CNTN5: variants seen among roughly 807,000 people sequenced by gnomAD.
CNTN5 encodes the protein contactin 5, also known as contactin-5.
CNTN5 carries 77 observed loss-of-function variants against 129.1 expected under a neutral mutation model. The ratio of observed to expected loss-of-function variants is 0.60; its 90% confidence interval spans 0.50 to 0.72. CNTN5 has a LOEUF of 0.72. Among genes scored for constraint, CNTN5 ranks in the 30% least tolerant of loss-of-function variants. The pLI is 0.00. For missense variants in CNTN5, 1,478 were observed against 1,328.8 expected, an observed-to-expected ratio of 1.11 and a Z score of -1.75; for synonymous variants, 509 against 465.6, an observed-to-expected ratio of 1.09 and a Z score of -1.20.
chr11:99,411,637 A>G (rs1254163234), intron 2 of CNTN5, among the ~76,000 whole-genome samples: 2 of 152,228 alleles, frequency 1.3e-5, no homozygotes, highest in Non-Finnish European at 2.9e-5. Flanking sequence ...ACTTCCACCC[A>G]GGAGACTCTT....
rs1211478886 is a variant in CNTN5, at chr11:99,556,277, T to A, written c.55+8T>A. 1.3e-6 allele frequency: 2 copies of A among 1,499,766 alleles called. No homozygotes were observed. The highest frequency in any genetic ancestry group is 1.8e-6 in the Non-Finnish European group (2 of 1,110,968). 92.9% of individuals were successfully genotyped at this position (1,499,766 alleles called of 1,614,324 possible). On this transcript the variant is annotated splice_region_variant and intron_variant, in intron 3 of 24. Transcript: ENST00000524871. ...TCACCATGTGTCTTTCAGGTAAAAG[T>A]CCTGATTAATTAATTATTTGATTTT... is the stretch of plus-strand genomic sequence containing the variant.
At chr11:100,038,621 C>A (rs1251477076) in intron 9 of CNTN5, among the ~76,000 whole-genome samples, 2 of 152,210 alleles carry the variant, frequency 1.3e-5, no homozygotes, top group Non-Finnish European at 2.9e-5. Flanking sequence ...TTGTAGGTCA[C>A]TAAGGACTTG....
intron 3 of CNTN5, among the ~76,000 whole-genome samples, chr11:99,598,100 A>G (rs1950179255): frequency 6.6e-6 from 1 of 152,064 alleles, no homozygotes. Flanking sequence ...GGAATATGAT[A>G]CCAGTTTCCT....
intron 3 of CNTN5, among the ~76,000 whole-genome samples, chr11:99,734,877 A>G (rs558641618): frequency 7.9e-5 from 12 of 152,276 alleles, no homozygotes; most frequent in Non-Finnish European, 1.0e-4. Context: ...GTGCAGTGGC[A>G]GGCGCCTGTA....
chr11:99,725,926 T>C (rs1943321602), intron 3 of CNTN5, among the ~76,000 whole-genome samples: 2 of 152,202 alleles, frequency 1.3e-5, no homozygotes, highest in South Asian at 2.1e-4. Context: ...TCTCCATTAG[T>C]CTTTTTAAAG....
At chr11:99,551,053 A>T (rs1360788673) in intron 2 of CNTN5, among the ~76,000 whole-genome samples, 1 of 152,140 alleles carries the variant, frequency 6.6e-6, no homozygotes, top group African/African-American at 2.4e-5. Context: ...AGCCTCCAAG[A>T]ATCCTGCCAT....
intron 2 of CNTN5, among the ~76,000 whole-genome samples, chr11:99,537,553 T>C (rs1362619961): frequency 2.0e-5 from 3 of 152,142 alleles, no homozygotes; most frequent in Non-Finnish European, 2.9e-5. Context: ...CCTTCTTCGC[T>C]TCTCTTATTT....
intron 2 of CNTN5, among the ~76,000 whole-genome samples, chr11:99,530,549 T>C (rs10790774): frequency 0.26 from 38,924 of 152,048 alleles, 5,367 homozygotes; most frequent in Non-Finnish European, 0.31. Flanking sequence ...AAGTGAGCAT[T>C]AAAGGAATAA....
At chr11:99,352,438 T>A (rs1367267951) in intron 2 of CNTN5, among the ~76,000 whole-genome samples, 1 of 152,204 alleles carries the variant, frequency 6.6e-6, no homozygotes, top group Non-Finnish European at 1.5e-5. Context: ...CTCTTATAAT[T>A]TACATAATAG....
chr11:99,302,809 A>G (rs1864703793), intron 1 of CNTN5, among the ~76,000 whole-genome samples: 1 of 151,890 alleles, frequency 6.6e-6, no homozygotes, highest in South Asian at 2.1e-4. Flanking sequence ...ATACTTGAGA[A>G]TTCTATCAAA....
intron 2 of CNTN5, among the ~76,000 whole-genome samples, chr11:99,527,148 G>A (rs1947517666): frequency 6.6e-6 from 1 of 152,190 alleles, no homozygotes; most frequent in Non-Finnish European, 1.5e-5. Flanking sequence ...TTGCTTTTGG[G>A]CTAAATGCCT....
At position 99,193,084 on chromosome 11, in the gene CNTN5, A is replaced by G. The variant is rs1210343106; in HGVS notation, c.-209-132262A>G. Among the ~76,000 whole-genome samples, 3 of 152,308 alleles carry G rather than the reference A, an allele frequency of 2.0e-5. No homozygotes were observed. In the East Asian group the frequency reaches 5.8e-4, roughly 29 times the overall value. On this transcript the variant is annotated intron_variant, in intron 1 of 24. Transcript: ENST00000524871. The stretch of plus-strand genomic sequence containing the variant: ...TAAATGTATTTATTAGTACATAAGC[A>G]TAAACTTAAATCATGAAATGATCAT...
intron 1 of CNTN5, among the ~76,000 whole-genome samples, chr11:99,079,860 T>G (rs1865720337): frequency 6.6e-6 from 1 of 152,334 alleles, no homozygotes; most frequent in Admixed American, 6.5e-5. Context: ...TAGATCAGAT[T>G]ATTGTCTCCT....
chr11:99,532,467 G>T (rs1229000812), intron 2 of CNTN5, among the ~76,000 whole-genome samples: 2 of 152,106 alleles, frequency 1.3e-5, no homozygotes, highest in Admixed American at 1.3e-4. Context: ...GGTATGATTG[G>T]TTTTGAAATG....
chr11:100,211,468 T>C (rs974093500), intron 15 of CNTN5, among the ~76,000 whole-genome samples: 24 of 150,304 alleles, frequency 1.6e-4, no homozygotes, highest in Admixed American at 2.6e-4. Flanking sequence ...CAGTCTGATA[T>C]TGGGAAAAAA....
intron 4 of CNTN5, among the ~76,000 whole-genome samples, chr11:99,827,326 C>T (rs1173363384): frequency 6.6e-6 from 1 of 152,064 alleles, no homozygotes. Context: ...TGAGCTCAGG[C>T]GATCCACGCA....
At chr11:100,054,431 A>T (rs1943115112) in intron 9 of CNTN5, among the ~76,000 whole-genome samples, 1 of 151,794 alleles carries the variant, frequency 6.6e-6, no homozygotes, top group Admixed American at 6.6e-5. Flanking sequence ...TCCTGAGCTC[A>T]TGTCTTTCTT....
At chr11:100,072,166 C>G (rs1306332843) in intron 12 of CNTN5, among the ~76,000 whole-genome samples, 2 of 152,112 alleles carry the variant, frequency 1.3e-5, no homozygotes, top group East Asian at 3.9e-4. Flanking sequence ...GGTAGGAGAT[C>G]AGAATATAGA....
chr11:99,909,085 T>C (rs1371648641), intron 6 of CNTN5, among the ~76,000 whole-genome samples: 1 of 152,118 alleles, frequency 6.6e-6, no homozygotes, highest in African/African-American at 2.4e-5. Flanking sequence ...TATCTTCATA[T>C]AATGGATGTT....
Sources: gnomAD v4.1 joint callset for allele counts (sites outside exome capture counted in the v4.1 genomes callset) on GRCh38, gnomAD v4.1.1 for gene constraint, MANE v1.5 for transcripts, NCBI Gene and HGNC (gene_info 2026-07-23, HGNC 2026-07-21) for gene names.